PC: variants seen among roughly 807,000 people sequenced by gnomAD.
PC encodes pyruvate carboxylase, also known as pyruvate carboxylase, mitochondrial.
Under a neutral mutation model 107.8 loss-of-function variants are expected in PC, and 46 were observed. That is an observed-to-expected ratio of 0.43 (90% CI 0.34 to 0.55). The LOEUF is 0.55. Ranked by LOEUF, PC falls within the 20% of genes least tolerant of loss-of-function variation. PC has a pLI of 0.04. For missense variants in PC, 1,241 were observed against 1,643.1 expected (o/e 0.76, Z 4.23); for synonymous variants, 662 against 684.7 (o/e 0.97, Z 0.52).
At chr11:66,941,518 G>A (rs905781845) in intron 3 of PC, among the ~76,000 whole-genome samples, 3 of 152,004 alleles carry the variant, frequency 2.0e-5, no homozygotes, top group African/African-American at 7.2e-5. Flanking sequence ...TTGAGGCAGA[G>A]TCTTGCTCTG....
intron 3 of PC, among the ~76,000 whole-genome samples, chr11:66,948,416 A>G (rs375285390): frequency 3.9e-5 from 6 of 152,292 alleles, no homozygotes; most frequent in African/African-American, 1.4e-4. Flanking sequence ...AGAGGGAGGA[A>G]TTCCAAAGGT....
chr11:66,890,418 G>C (rs1046049048), intron 3 of PC, among the ~76,000 whole-genome samples: 1 of 148,706 alleles, frequency 6.7e-6, no homozygotes, highest in Non-Finnish European at 1.5e-5. Context: ...TTTTGAGATG[G>C]AGTTTCACTC....
intron 1 of PC, among the ~76,000 whole-genome samples, chr11:66,957,278 C>T (rs938761205): frequency 1.3e-5 from 2 of 152,316 alleles, no homozygotes; most frequent in Admixed American, 6.5e-5. Flanking sequence ...AGCTGGAGAA[C>T]GGGTAAGGAG....
intron 3 of PC, among the ~76,000 whole-genome samples, chr11:66,904,624 C>A (rs540435344): frequency 1.3e-5 from 2 of 152,174 alleles, no homozygotes; most frequent in Non-Finnish European, 2.9e-5. Context: ...GGTGACAGAG[C>A]GAGACCCTGT....
chr11:66,951,495 C>T (rs1949437196), intron 3 of PC, among the ~76,000 whole-genome samples: 2 of 152,170 alleles, frequency 1.3e-5, no homozygotes, highest in African/African-American at 4.8e-5. Flanking sequence ...CTGGCTCACA[C>T]CTGTAATCCC....
At chr11:66,875,597 AGGGACGCAC>A (rs987977239) in intron 3 of PC, among the ~76,000 whole-genome samples, 7 of 151,952 alleles carry the variant, frequency 4.6e-5, no homozygotes, top group Non-Finnish European at 8.8e-5. Context: ...TGGAGGAGGG[AGGGACGCAC>A]GGGTCGCTGG....
chr11:66,858,174 C>A lies in PC; in HGVS notation c.1369-4791G>T. 6.2e-7 allele frequency: 1 copy of A among 1,611,494 alleles called. No homozygotes were observed. The highest frequency in any genetic ancestry group is 8.5e-7 in the Non-Finnish European group (1 of 1,179,190). On this transcript the variant is annotated intron_variant, in intron 12 of 22. Transcript: ENST00000393960. The surrounding 1 kb of genome is among the most constrained non-coding windows in gnomAD (Gnocchi z 5.9). Reference sequence around the variant, plus strand: ...CGCGCCGGGAGCCTTCGACGACTTCCTAGAGAGCCTGGAGGACCTGGACCT... The same window carrying A: ...CGCGCCGGGAGCCTTCGACGACTTCATAGAGAGCCTGGAGGACCTGGACCT...
rs148710958 is a variant in PC at position 66,872,174 on chromosome 11, T to C, written c.1-15A>G. 7 of 1,575,202 alleles carry C rather than the reference T, an allele frequency of 4.4e-6. No homozygotes were observed. Among genetic ancestry groups the C allele is most frequent in the African/African-American group, 1.4e-5 (1 of 73,812 alleles). ...AACTTCAGCATCTAGGGAGGGAAGT[T>C]AGAGCCCAGGTTAGCGCAGCCTCAG... On this transcript the variant is annotated splice_polypyrimidine_tract_variant and intron_variant, in intron 3 of 22. Transcript: ENST00000393960.
intron 19 of PC, 49 bp downstream of exon 19, chr11:66,850,171 C>T (rs1323085726): frequency 6.2e-7 from 1 of 1,613,804 alleles, no homozygotes; most frequent in Non-Finnish European, 8.5e-7. Context: ...AGGCCAGTGG[C>T]AGGTGCATGC....
chr11:66,859,795 C>T lies in PC; in HGVS notation c.1368+3979G>A, dbSNP rs371172656. 1.2e-4 allele frequency: 186 copies of T among 1,595,162 alleles called. No individual in the cohort carries two copies. The highest frequency in any genetic ancestry group is 1.3e-4 in the Non-Finnish European group (156 of 1,170,790). On this transcript the variant is annotated intron_variant, in intron 12 of 22. Transcript: ENST00000393960. ...GCCCATTTCTCCACGCTGCCGGCCT[C>T]GCCCCTGTGCCACGCCCTGCAGGCC...
In PC at chr11:66,870,371, G is replaced by A; in HGVS notation, c.834C>T (p.Ala278=). Reference sequence around the variant, plus strand: ...GCTGCGGGTCCAGGTGGGCGGCGGGGGCAATCTCGACCACCTTCTGGTGCC... The same window carrying A: ...GCTGCGGGTCCAGGTGGGCGGCGGGAGCAATCTCGACCACCTTCTGGTGCC... The part of the protein sequence containing the change: ...QRRHQKVVEI[A]PAAHLDPQLR... Residue 278 remains alanine, a synonymous_variant, in exon 9 of 23, where the codon GCC becomes GCT. Coordinates refer to ENST00000393960, the MANE Select transcript of PC (RefSeq NM_001040716.2). The surrounding 1 kb of genome is among the most constrained non-coding windows in gnomAD (Gnocchi z 6.1). 6.2e-7 allele frequency: 1 copy of A among 1,613,684 alleles called. No homozygotes were observed. Among genetic ancestry groups the A allele is most frequent in the South Asian group, 1.1e-5 (1 of 91,086 alleles).
At chr11:66,929,176 G>A (rs1184669419) in intron 3 of PC, among the ~76,000 whole-genome samples, 3 of 152,096 alleles carry the variant, frequency 2.0e-5, no homozygotes, top group Non-Finnish European at 2.9e-5. Flanking sequence ...AGTGTCATGT[G>A]AGTTTGAAAT....
intron 3 of PC, among the ~76,000 whole-genome samples, chr11:66,896,995 A>C (rs1347792788): frequency 6.6e-6 from 1 of 152,042 alleles, no homozygotes. Flanking sequence ...GCAGTGGTGC[A>C]ATCTCGGCTC....
chr11:66,849,179 C>T lies in PC; in HGVS notation c.3289-32G>A, dbSNP rs776326974. On this transcript the variant is annotated intron_variant, in intron 22 of 22. Transcript: ENST00000393960. ...ACACAGGGCAGAGGGGACATGACATCCTGGGCCCAGCCAAGCCCCACCGCC... is the reference window on the plus strand; with the variant it reads ...ACACAGGGCAGAGGGGACATGACATTCTGGGCCCAGCCAAGCCCCACCGCC... 8.1e-6 allele frequency: 13 copies of T among 1,613,612 alleles called. No individual in the cohort carries two copies. In the South Asian group the frequency reaches 9.9e-5, roughly 12 times the overall value.
intron 3 of PC, among the ~76,000 whole-genome samples, chr11:66,924,496 TCTTC>T (rs1231461651): frequency 6.6e-6 from 1 of 152,020 alleles, no homozygotes; most frequent in Non-Finnish European, 1.5e-5. Flanking sequence ...GGCACACTAT[TCTTC>T]CTTCTTTTGG....
At chr11:66,954,602 C>T (rs114208769) in intron 1 of PC, among the ~76,000 whole-genome samples, 166 bp from the exon 2 acceptor site, 4,064 of 152,160 alleles carry the variant, frequency 0.027, 171 homozygotes, top group African/African-American at 0.085. Flanking sequence ...GGGGGCAGGA[C>T]GATATTGGGA....
At chr11:66,931,384 G>GAAAAAAAAAAAAAAAAAAAA (rs60081578) in intron 3 of PC, among the ~76,000 whole-genome samples, 1 of 84,946 alleles carries the variant, frequency 1.2e-5, no homozygotes. Context: ...TCCATCTCAA[G>GAAAAAAAAAAAAAAAAAAAA]AAAAAAAAAA....
Position 66,870,457 on chromosome 11 carries a change from G to T in PC, c.752-4C>A, listed in dbSNP as rs760649111. The T allele has an allele frequency of 1.2e-6, 2 of 1,612,940 alleles. No homozygotes were observed. Among genetic ancestry groups the T allele is most frequent in the African/African-American group, 2.7e-5 (2 of 74,910 alleles). ...AGGATGTTCCCATACTGGTCCCCTG[G>T]GGAGGGAGGTAAACTGGGCTTAGCT... is the stretch of plus-strand genomic sequence containing the variant. On this transcript the variant is annotated splice_polypyrimidine_tract_variant and splice_region_variant and intron_variant, in intron 8 of 22. Coordinates refer to ENST00000393960, the MANE Select transcript of PC (RefSeq NM_001040716.2). This position sits in a 1 kb window ranked among gnomAD's most constrained non-coding sequence, Gnocchi z 6.1.
Position 66,866,426 on chromosome 11 carries a change from C to T in PC, c.1023-77G>A, listed in dbSNP as rs1244190256. ...GAGGCGGGGGATAGACGAGGGGCACCGCAGCCAGTGGGGCGTCCACACACA... is the reference window on the plus strand; with the variant it reads ...GAGGCGGGGGATAGACGAGGGGCACTGCAGCCAGTGGGGCGTCCACACACA... On this transcript the variant is annotated intron_variant, in intron 10 of 22. Coordinates refer to ENST00000393960, the MANE Select transcript of PC (RefSeq NM_001040716.2). The surrounding 1 kb of genome is among the most constrained non-coding windows in gnomAD (Gnocchi z 5.4). The T allele has an allele frequency of 5.5e-6, 6 of 1,095,832 alleles. No homozygotes were observed. In the African/African-American group the frequency reaches 6.2e-5, roughly 11 times the overall value. The allele number at this position is 1,095,832 out of a possible 1,614,324, so 67.9% of individuals were successfully genotyped here. A position where few individuals can be genotyped will look rare whatever the true frequency, so the allele number is the denominator to read the frequency against.
Sources: allele counts gnomAD v4.1 joint callset (sites outside exome capture counted in the v4.1 genomes callset), GRCh38; gene constraint gnomAD v4.1.1; non-coding constraint Gnocchi (gnomAD v3.1); transcripts MANE v1.5; gene names NCBI Gene and HGNC (gene_info 2026-07-23, HGNC 2026-07-21).